ZBTB20: variants seen among roughly 807,000 people sequenced by gnomAD.
The protein encoded by ZBTB20 is zinc finger and BTB domain-containing protein 20.
ZBTB20 carries 9 observed loss-of-function variants against 56.9 expected under a neutral mutation model. The ratio of observed to expected loss-of-function variants is 0.16; its 90% confidence interval spans 0.10 to 0.28. The LOEUF (loss-of-function observed/expected upper bound fraction) is 0.28, where lower values mean the gene tolerates loss of function less well. ZBTB20 is among the 10% of genes least tolerant of loss of function. The pLI, the probability that ZBTB20 is intolerant of heterozygous loss-of-function variation, is 1.00. For missense variants in ZBTB20, 655 were observed against 1,003.0 expected (o/e 0.65, Z 4.69); for synonymous variants, 417 against 420.7 (o/e 0.99, Z 0.11).
At chr3:115,001,689 A>C (rs963901498) in intron 2 of ZBTB20, among the ~76,000 whole-genome samples, 3 of 151,474 alleles carry the variant, frequency 2.0e-5, no homozygotes, top group African/African-American at 7.3e-5. Context: ...AATCTAACAA[A>C]ATATGTATAA....
chr3:115,076,986 C>A (rs1029709653), intron 1 of ZBTB20, among the ~76,000 whole-genome samples: 1 of 152,182 alleles, frequency 6.6e-6, no homozygotes, highest in Admixed American at 6.5e-5. Flanking sequence ...CATGCCACTG[C>A]TGATCTGACT....
chr3:114,701,599 TA>T (rs1400811833), intron 5 of ZBTB20, among the ~76,000 whole-genome samples: 1 of 152,166 alleles, frequency 6.6e-6, no homozygotes, highest in Non-Finnish European at 1.5e-5. Context: ...ATTAGCAACA[TA>T]GTTAAAGAGC....
intron 2 of ZBTB20, among the ~76,000 whole-genome samples, chr3:115,028,780 C>T (rs1219863616): frequency 6.6e-6 from 1 of 150,524 alleles, no homozygotes; most frequent in African/African-American, 2.4e-5. Context: ...AAATCAACCA[C>T]AATTCTTAAT....
chr3:114,744,489 T>C (rs1341111391), intron 5 of ZBTB20, among the ~76,000 whole-genome samples: 2 of 151,890 alleles, frequency 1.3e-5, no homozygotes, highest in Non-Finnish European at 2.9e-5. Flanking sequence ...CCTCTATCTT[T>C]TTACTGTAAT....
chr3:114,874,989 A>G (rs1398836786), intron 4 of ZBTB20, among the ~76,000 whole-genome samples: 1 of 152,014 alleles, frequency 6.6e-6, no homozygotes, highest in Non-Finnish European at 1.5e-5. Flanking sequence ...CCAAACTACA[A>G]TCTTTCATGT....
intron 4 of ZBTB20, among the ~76,000 whole-genome samples, chr3:114,892,947 C>A (rs1177342732): frequency 6.6e-6 from 1 of 152,194 alleles, no homozygotes; most frequent in Non-Finnish European, 1.5e-5. Flanking sequence ...GTAGAAAGCA[C>A]AAAGGCCTCT....
chr3:114,755,007 G>A (rs1318648239), intron 5 of ZBTB20, among the ~76,000 whole-genome samples: 1 of 152,032 alleles, frequency 6.6e-6, no homozygotes, highest in African/African-American at 2.4e-5. Flanking sequence ...CAACTAACCT[G>A]GGCAGTTTCC....
At chr3:115,030,923 C>T (rs2080647043) in intron 2 of ZBTB20, among the ~76,000 whole-genome samples, 1 of 151,340 alleles carries the variant, frequency 6.6e-6, no homozygotes, top group African/African-American at 2.4e-5. Flanking sequence ...AGATATCCTA[C>T]AAAGTGTTTG....
intron 7 of ZBTB20, among the ~76,000 whole-genome samples, chr3:114,440,082 G>C (rs2090809536): frequency 1.3e-5 from 2 of 151,620 alleles, no homozygotes; most frequent in Non-Finnish European, 2.9e-5. Flanking sequence ...GTAATCAGCA[G>C]AGAAGGTCTT....
At chr3:114,697,653 G>A (rs1320825543) in intron 5 of ZBTB20, among the ~76,000 whole-genome samples, 2 of 151,796 alleles carry the variant, frequency 1.3e-5, no homozygotes, top group African/African-American at 2.4e-5. Flanking sequence ...GTGATGTTGC[G>A]TAACTGAGTA....
At chr3:114,958,222 G>A in intron 3 of ZBTB20, among the ~76,000 whole-genome samples, 1 of 152,150 alleles carries the variant, frequency 6.6e-6, no homozygotes, top group East Asian at 1.9e-4. Flanking sequence ...TTGTGGATCT[G>A]CTATTCTCCA....
At chr3:114,496,065 C>G (rs2043252627) in intron 7 of ZBTB20, among the ~76,000 whole-genome samples, 9 of 152,038 alleles carry the variant, frequency 5.9e-5, no homozygotes, top group African/African-American at 2.2e-4. Flanking sequence ...ATCTTATAAC[C>G]ATCACAAAAA....
chr3:114,676,471 TAATA>T (rs1489563637), intron 6 of ZBTB20, among the ~76,000 whole-genome samples: 9 of 152,188 alleles, frequency 5.9e-5, no homozygotes, highest in African/African-American at 2.2e-4. Flanking sequence ...TTTTATCTCT[TAATA>T]AATAGAATCC....
chr3:114,538,890 C>T (rs2048785045), intron 6 of ZBTB20, among the ~76,000 whole-genome samples: 1 of 152,100 alleles, frequency 6.6e-6, no homozygotes, highest in Non-Finnish European at 1.5e-5. Flanking sequence ...GGAGTAGCTC[C>T]ATGACTTGAG....
chr3:115,109,213 A>G (rs529461957), intron 1 of ZBTB20, among the ~76,000 whole-genome samples: 4 of 152,312 alleles, frequency 2.6e-5, no homozygotes, highest in African/African-American at 9.6e-5. Flanking sequence ...ATTTACTTAT[A>G]TGTACAGTTT....
intron 11 of ZBTB20, among the ~76,000 whole-genome samples, chr3:114,347,724 T>C (rs2080315238): frequency 6.6e-6 from 1 of 152,184 alleles, no homozygotes; most frequent in African/African-American, 2.4e-5. Flanking sequence ...ACTGATAGGA[T>C]TTCCAAACTG....
intron 7 of ZBTB20, among the ~76,000 whole-genome samples, chr3:114,497,376 C>A (rs912330522): frequency 3.3e-5 from 5 of 152,228 alleles, no homozygotes; most frequent in Non-Finnish European, 7.3e-5. Flanking sequence ...GCAAGGTCCC[C>A]TGCCTGCTTT....
chr3:114,398,175 C>T (rs1346602885), intron 7 of ZBTB20, among the ~76,000 whole-genome samples: 1 of 152,076 alleles, frequency 6.6e-6, no homozygotes, highest in Non-Finnish European at 1.5e-5. Flanking sequence ...ACTGCTTTAG[C>T]CCATAATGTT....
intron 2 of ZBTB20, among the ~76,000 whole-genome samples, chr3:114,986,924 T>C (rs1413357723): frequency 6.6e-6 from 1 of 152,148 alleles, no homozygotes; most frequent in Non-Finnish European, 1.5e-5. Flanking sequence ...TATCAGCCCG[T>C]CTAATCATGA....
Sources: allele counts gnomAD v4.1 joint callset (sites outside exome capture counted in the v4.1 genomes callset), GRCh38; gene constraint gnomAD v4.1.1; transcripts MANE v1.5; gene names NCBI Gene and HGNC (gene_info 2026-07-23, HGNC 2026-07-21).